The following ASAP2 variants were observed in gnomAD, a reference collection of about 807,000 sequenced individuals.
ASAP2 encodes arf-GAP with SH3 domain, ANK repeat and PH domain-containing protein 2.
ASAP2 carries 45 observed loss-of-function variants against 131.4 expected under a neutral mutation model. That is an observed-to-expected ratio of 0.34 (90% CI 0.27 to 0.44). The LOEUF (loss-of-function observed/expected upper bound fraction) is 0.44. Among genes scored for constraint, ASAP2 ranks in the 20% least tolerant of loss-of-function variants. The probability of loss-of-function intolerance (pLI) is 1.00; values close to 1 mark genes in which losing one functional copy is unlikely to be tolerated. For synonymous variants in ASAP2, 510 were observed against 503.0 expected, an observed-to-expected ratio of 1.01 and a Z score of -0.19; for missense variants, 1,011 against 1,297.0, an observed-to-expected ratio of 0.78 and a Z score of 3.39.
intron 24 of ASAP2, among the ~76,000 whole-genome samples, chr2:9,394,421 C>T (rs1311780805): frequency 6.6e-6 from 1 of 152,138 alleles, no homozygotes; most frequent in Non-Finnish European, 1.5e-5. Flanking sequence ...GCCTCGGCCT[C>T]CCAAAGTGCT....
At chr2:9,265,248 A>C (rs894305380) in intron 1 of ASAP2, among the ~76,000 whole-genome samples, 1 of 152,286 alleles carries the variant, frequency 6.6e-6, no homozygotes, top group South Asian at 2.1e-4. Context: ...GATTTAAAGC[A>C]TGTGGGAGGA....
At chr2:9,213,073 G>A (rs962006317) in intron 1 of ASAP2, among the ~76,000 whole-genome samples, 14 of 152,220 alleles carry the variant, frequency 9.2e-5, no homozygotes, top group Admixed American at 3.3e-4. Flanking sequence ...AGACAGTTAC[G>A]TAACAACCTT....
chr2:9,238,956 ACTGTGTT>A (rs1663747764), intron 1 of ASAP2, among the ~76,000 whole-genome samples: 1 of 151,978 alleles, frequency 6.6e-6, no homozygotes, highest in South Asian at 2.1e-4. Context: ...CTCTTGCTGT[ACTGTGTT>A]CCCTGGGCCT....
chr2:9,339,980 C>G (rs955297952), intron 9 of ASAP2, among the ~76,000 whole-genome samples: 1 of 152,180 alleles, frequency 6.6e-6, no homozygotes, highest in African/African-American at 2.4e-5. Flanking sequence ...ACGATCCTTA[C>G]AAGCCACTTT....
intron 2 of ASAP2, among the ~76,000 whole-genome samples, chr2:9,280,101 G>A (rs941354181): frequency 5.9e-5 from 9 of 152,212 alleles, no homozygotes; most frequent in Non-Finnish European, 1.3e-4. Flanking sequence ...CAGGGCTGAT[G>A]GGTTGCTCAG....
chr2:9,268,029 C>CTTG lies in ASAP2; in HGVS notation c.127-11287_127-11285dup, dbSNP rs1470354435. On this transcript the variant is annotated intron_variant, in intron 1 of 27. Transcript: ENST00000281419. The surrounding 1 kb of genome is among the most constrained non-coding windows in gnomAD (Gnocchi z 4.1). The stretch of plus-strand genomic sequence containing the variant: ...CCCCTGCCCTGACTGCAGCCCTCAG[C>CTTG]TTGCCTCAGTTTGTAGTTTGCCAAC... Among the ~76,000 whole-genome samples the CTTG allele has an allele frequency of 3.3e-5, 5 of 152,112 alleles. No homozygotes were observed. The highest frequency in any genetic ancestry group is 7.4e-5 in the Non-Finnish European group (5 of 68,026).
At chr2:9,393,776 T>C in intron 24 of ASAP2, 129 bp downstream of exon 24, 1 of 1,014,198 alleles carries the variant, frequency 9.9e-7, no homozygotes, top group African/African-American at 1.6e-5. Flanking sequence ...AACTAATTCA[T>C]CGGGGCTGAA....
intron 1 of ASAP2, among the ~76,000 whole-genome samples, chr2:9,219,877 C>T (rs1165511362): frequency 1.3e-5 from 2 of 152,118 alleles, no homozygotes; most frequent in Non-Finnish European, 2.9e-5. Context: ...CACCTGTACC[C>T]GAGTCCTTGG....
chr2:9,218,907 C>T (rs1238296173), intron 1 of ASAP2, among the ~76,000 whole-genome samples: 2 of 152,124 alleles, frequency 1.3e-5, no homozygotes, highest in African/African-American at 4.8e-5. Flanking sequence ...TTAAAGATTC[C>T]CTCCTTGGAG....
intron 1 of ASAP2, among the ~76,000 whole-genome samples, chr2:9,236,775 T>C (rs748801559): frequency 2.0e-5 from 3 of 152,252 alleles, no homozygotes; most frequent in Non-Finnish European, 4.4e-5. Flanking sequence ...ACTATAATTA[T>C]TTGTCAGCAC....
Position 9,380,790 on chromosome 2 carries a change from C to G in ASAP2, c.1998C>G (p.His666Gln), listed in dbSNP as rs139908630. 5.0e-6 allele frequency: 8 copies of G among 1,614,012 alleles called. No individual in the cohort carries two copies. Among genetic ancestry groups the G allele is most frequent in the Non-Finnish European group, 6.8e-6 (8 of 1,180,046 alleles). Reference protein sequence around the residue: ...TPLDIAKRLKHEHCEELLTQA... With the variant: ...TPLDIAKRLKQEHCEELLTQA... Reference sequence around the variant, plus strand: ...TGGACATTGCCAAGCGCCTCAAGCACGAGCACTGTGAGGAGCTGGTGAGTC... The same window carrying G: ...TGGACATTGCCAAGCGCCTCAAGCAGGAGCACTGTGAGGAGCTGGTGAGTC... The change falls in exon 20 of 28, where the codon CAC (histidine) becomes CAG (glutamine). Residue 666 changes from histidine to glutamine, a missense_variant. Coordinates refer to ENST00000281419, the MANE Select transcript of ASAP2 (RefSeq NM_003887.3).
At chr2:9,321,891 A>G (rs73157611) in intron 5 of ASAP2, among the ~76,000 whole-genome samples, 2,699 of 152,274 alleles carry the variant, frequency 0.018, 83 homozygotes, top group African/African-American at 0.062. Flanking sequence ...AATAAAGGAA[A>G]TAATTCTTTA....
intron 15 of ASAP2, among the ~76,000 whole-genome samples, chr2:9,365,805 A>G (rs1673427615): frequency 6.6e-6 from 1 of 152,188 alleles, no homozygotes. Context: ...GTGAGCTGCC[A>G]TAGAGCAGGA....
chr2:9,279,541 T>C, intron 2 of ASAP2, 152 bp downstream of exon 2: 3 of 735,642 alleles, frequency 4.1e-6, no homozygotes, highest in South Asian at 1.8e-5. Context: ...ATGTTTCTTT[T>C]TCAGAAGTAT....
intron 1 of ASAP2, among the ~76,000 whole-genome samples, chr2:9,224,827 G>A (rs1662653372): frequency 1.3e-5 from 2 of 152,212 alleles, no homozygotes; most frequent in Non-Finnish European, 2.9e-5. Flanking sequence ...GACCTGGGAT[G>A]TCTGTGCTCA....
chr2:9,266,760 A>G (rs1264504926), intron 1 of ASAP2, among the ~76,000 whole-genome samples: 1 of 152,200 alleles, frequency 6.6e-6, no homozygotes, highest in African/African-American at 2.4e-5. Context: ...AGTTATTTGT[A>G]AGATGGATTA....
At position 9,392,280 on chromosome 2, in the gene ASAP2, A is replaced by T. The variant is rs1675790551; in HGVS notation, c.2518+1084A>T. On this transcript the variant is annotated intron_variant, in intron 23 of 27. Coordinates refer to ENST00000281419, the MANE Select transcript of ASAP2 (RefSeq NM_003887.3). This position sits in a 1 kb window ranked among gnomAD's most constrained non-coding sequence, Gnocchi z 4.0. ...CAGAACTAAAGTCTTTTTTCACTGG[A>T]TCAGAGAAGCGAGCCCTGGATGCTG... 6.6e-6 allele frequency among the ~76,000 whole-genome samples: 1 copy of T among 152,170 alleles called. No individual in the cohort carries two copies. Among genetic ancestry groups the T allele is most frequent in the South Asian group, 2.1e-4 (1 of 4,832 alleles).
chr2:9,378,995 C>T lies in ASAP2; in HGVS notation c.1884C>T (p.Cys628=). ...TGKGSTALHY[C]CLTDNAECLK... ...AAGGCAGCACAGCCCTGCACTACTGCTGCCTGACCGACAATGCCGAGTGCC... is the reference window on the plus strand; with the variant it reads ...AAGGCAGCACAGCCCTGCACTACTGTTGCCTGACCGACAATGCCGAGTGCC... Residue 628 remains cysteine (C), a synonymous_variant, in exon 19 of 28, where the codon TGC becomes TGT. Coordinates refer to ENST00000281419, the MANE Select transcript of ASAP2 (RefSeq NM_003887.3). 1 of 1,574,812 alleles carries T rather than the reference C, an allele frequency of 6.3e-7. No individual in the cohort carries two copies. The highest frequency in any genetic ancestry group is 8.6e-7 in the Non-Finnish European group (1 of 1,159,794).
intron 1 of ASAP2, among the ~76,000 whole-genome samples, chr2:9,228,158 TG>T (rs1166714872): frequency 6.6e-6 from 1 of 152,226 alleles, no homozygotes; most frequent in Non-Finnish European, 1.5e-5. Flanking sequence ...TCATGGTGTA[TG>T]GTTGATAGGG....
Sources: allele counts gnomAD v4.1 joint callset (sites outside exome capture counted in the v4.1 genomes callset), GRCh38; gene constraint gnomAD v4.1.1; non-coding constraint Gnocchi (gnomAD v3.1); transcripts MANE v1.5; gene names NCBI Gene and HGNC (gene_info 2026-07-23, HGNC 2026-07-21).